Variants in CABIN1 observed in about 807,000 individuals in gnomAD.
CABIN1 encodes the protein calcineurin binding protein 1, also known as calcineurin-binding protein cabin-1.
A neutral mutation model predicts 227.7 loss-of-function variants in CABIN1; 133 were observed. That is an observed-to-expected ratio of 0.58 (90% CI 0.51 to 0.67). The LOEUF (loss-of-function observed/expected upper bound fraction) is 0.67. Ranked by LOEUF, CABIN1 falls within the 30% of genes least tolerant of loss-of-function variation. The pLI, the probability that CABIN1 is intolerant of heterozygous loss-of-function variation, is 0.00. For synonymous variants in CABIN1, 1,086 were observed against 1,155.1 expected (o/e 0.94, Z 1.21); for missense variants, 2,408 against 2,852.5 (o/e 0.84, Z 3.55).
intron 29 of CABIN1, among the ~76,000 whole-genome samples, chr22:24,153,825 C>T (rs1032450783): frequency 1.3e-5 from 2 of 152,188 alleles, no homozygotes; most frequent in African/African-American, 4.8e-5. Context: ...AGGCTTTACT[C>T]AGCAGAGGCT....
rs763723116 is a variant in CABIN1, at chr22:24,060,084, G to A, written c.1560G>A (p.Arg520=). 5 of 1,614,050 alleles carry A rather than the reference G, an allele frequency of 3.1e-6. No individual in the cohort carries two copies. The highest frequency in any genetic ancestry group is 4.2e-6 in the Non-Finnish European group (5 of 1,180,012). The part of the protein sequence containing the change: ...VVLSVYHSWR[R]HSTSLPNPLL... ...TCAGCGTCTACCACAGCTGGAGGAG[G>A]CACAGCACCAGCCTGCCCAACCCGC... is the stretch of plus-strand genomic sequence containing the variant. Residue 520 remains arginine, a synonymous_variant, in exon 12 of 37, where the codon AGG becomes AGA. Transcript: ENST00000263119.
chr22:24,023,107 GTACTTT>G (rs2035839142), intron 1 of CABIN1, among the ~76,000 whole-genome samples: 1 of 152,114 alleles, frequency 6.6e-6, no homozygotes, highest in African/African-American at 2.4e-5. Flanking sequence ...GCAGGCTGTG[GTACTTT>G]CAGTCTCTAG....
chr22:24,155,819 TG>T lies in CABIN1; in HGVS notation c.4747-8580del, dbSNP rs2045752947. ...TGCTCTCTGGGGCCCCACAGCTTCC[TG>T]CAGTGAGAGCTGCACCCACTTTGCC... On this transcript the variant is annotated intron_variant, in intron 29 of 36. Transcript: ENST00000263119. 5 of 418,296 alleles carry T rather than the reference TG, an allele frequency of 1.2e-5. No individual in the cohort carries two copies. In the East Asian group the frequency reaches 1.9e-4, roughly 16 times the overall value. 25.9% of individuals were successfully genotyped at this position (418,296 alleles called of 1,614,324 possible).
chr22:24,046,449 T>C (rs2037888251), intron 6 of CABIN1, among the ~76,000 whole-genome samples: 1 of 152,196 alleles, frequency 6.6e-6, no homozygotes, highest in Non-Finnish European at 1.5e-5. Context: ...TTTCTTCTTC[T>C]GGAGGCTTTG....
intron 1 of CABIN1, among the ~76,000 whole-genome samples, chr22:24,021,373 G>T (rs1298774417): frequency 6.6e-6 from 1 of 152,182 alleles, no homozygotes; most frequent in Non-Finnish European, 1.5e-5. Flanking sequence ...GCCCAGGCTA[G>T]TCTCGAACTC....
At chr22:24,056,139 AT>A (rs1274759581) in intron 9 of CABIN1, 52 bp from the exon 10 acceptor site, 25 of 1,521,402 alleles carry the variant, frequency 1.6e-5, no homozygotes, top group Non-Finnish European at 2.3e-5. Context: ...TGTGTGGTGC[AT>A]TTTTTTCATC....
intron 29 of CABIN1, among the ~76,000 whole-genome samples, chr22:24,139,161 CTTTG>C: frequency 6.6e-6 from 1 of 152,320 alleles, no homozygotes. Flanking sequence ...GTCCACATAC[CTTTG>C]TTTGCCCATC....
At chr22:24,166,590 G>A (rs1304079426) in intron 31 of CABIN1, 49 bp from the exon 32 acceptor site, 3 of 1,610,428 alleles carry the variant, frequency 1.9e-6, no homozygotes, top group Admixed American at 1.7e-5. Context: ...GTGACTCATT[G>A]CAGTGGAGAC....
intron 26 of CABIN1, among the ~76,000 whole-genome samples, chr22:24,109,273 G>C (rs1468226967): frequency 6.6e-6 from 1 of 151,062 alleles, no homozygotes; most frequent in African/African-American, 2.4e-5. Flanking sequence ...AGGCTAGAGT[G>C]GAGTGCAGTG....
intron 1 of CABIN1, among the ~76,000 whole-genome samples, chr22:24,027,940 GT>G (rs765677302): frequency 1.2e-3 from 174 of 141,556 alleles, no homozygotes; most frequent in African/African-American, 1.2e-3. Context: ...CTACTGGCAG[GT>G]TTTTTTTTTT....
At chr22:24,132,734 T>C (rs2044148240) in intron 28 of CABIN1, among the ~76,000 whole-genome samples, 1 of 152,168 alleles carries the variant, frequency 6.6e-6, no homozygotes, top group Non-Finnish European at 1.5e-5. Context: ...ATTAGAGGCG[T>C]GTGCCACCAT....
intron 28 of CABIN1, among the ~76,000 whole-genome samples, chr22:24,125,814 A>G (rs2043688904): frequency 1.3e-5 from 2 of 152,090 alleles, no homozygotes; most frequent in Admixed American, 1.3e-4. Flanking sequence ...GCAAAAGGAG[A>G]ACTTGATATT....
At chr22:24,100,621 A>C (rs1303364175) in intron 26 of CABIN1, among the ~76,000 whole-genome samples, 1 of 152,184 alleles carries the variant, frequency 6.6e-6, no homozygotes, top group Non-Finnish European at 1.5e-5. Context: ...GCCACCACTG[A>C]GCCCTTATAC....
At chr22:24,076,954 G>T (rs751725775) in intron 19 of CABIN1, among the ~76,000 whole-genome samples, 6 of 152,136 alleles carry the variant, frequency 3.9e-5, no homozygotes, top group Non-Finnish European at 1.5e-5. Flanking sequence ...ATATTTATTC[G>T]TGAAGTTCTA....
intron 26 of CABIN1, among the ~76,000 whole-genome samples, chr22:24,108,191 A>G (rs1375848067): frequency 6.6e-6 from 1 of 152,196 alleles, no homozygotes; most frequent in Non-Finnish European, 1.5e-5. Context: ...CAGCAAAATC[A>G]TTTGGCCAAG....
At chr22:24,081,652 CTG>C (rs1174263286) in intron 19 of CABIN1, among the ~76,000 whole-genome samples, 2 of 152,126 alleles carry the variant, frequency 1.3e-5, no homozygotes, top group Non-Finnish European at 2.9e-5. Context: ...TGAATTTACT[CTG>C]TATTGTTTCT....
chr22:24,149,493 T>C (rs2045355986), intron 29 of CABIN1, among the ~76,000 whole-genome samples: 1 of 152,188 alleles, frequency 6.6e-6, no homozygotes, highest in Non-Finnish European at 1.5e-5. Context: ...ATAGGCTCAC[T>C]GAGGTCAGTG....
At chr22:24,041,352 C>A in intron 5 of CABIN1, 79 bp downstream of exon 5, 1 of 1,573,552 alleles carries the variant, frequency 6.4e-7, no homozygotes, top group Non-Finnish European at 8.7e-7. Flanking sequence ...GTCTTGTGGG[C>A]CAAAAAGAAG....
intron 34 of CABIN1, among the ~76,000 whole-genome samples, chr22:24,175,186 G>A (rs2047035783): frequency 6.6e-6 from 1 of 152,248 alleles, no homozygotes; most frequent in African/African-American, 2.4e-5. Context: ...CAGGGGGCGA[G>A]GGGGTGGAGG....
Sources: gnomAD v4.1 joint callset for allele counts (sites outside exome capture counted in the v4.1 genomes callset) on GRCh38, gnomAD v4.1.1 for gene constraint, MANE v1.5 for transcripts, NCBI Gene and HGNC (gene_info 2026-07-23, HGNC 2026-07-21) for gene names.